The following ABCA3 variants were observed in gnomAD, a reference collection of about 807,000 sequenced individuals.
ABCA3 encodes ATP binding cassette subfamily A member 3.
A neutral mutation model predicts 172.8 loss-of-function variants in ABCA3; 88 were observed. The ratio of observed to expected loss-of-function variants is 0.51; its 90% CI spans 0.43 to 0.61. The LOEUF is 0.61. Among genes scored for constraint, ABCA3 ranks in the 20% least tolerant of loss-of-function variants. The pLI is 0.00. For synonymous variants in ABCA3, 1,066 were observed against 983.8 expected (o/e 1.08, Z -1.56); for missense variants, 2,164 against 2,301.0 (o/e 0.94, Z 1.22).
rs760856638 is a variant in ABCA3, at chr16:2,297,381, G to A, written c.2211C>T (p.Ala737=). 6.2e-7 allele frequency: 1 copy of A among 1,613,266 alleles called. No homozygotes were observed. Among genetic ancestry groups the A allele is most frequent in the Non-Finnish European group, 8.5e-7 (1 of 1,179,998 alleles). Residue 737 remains alanine (A), a synonymous_variant, in exon 17 of 33, where the codon GCC becomes GCT. Coordinates refer to ENST00000301732, the MANE Select transcript of ABCA3 (RefSeq NM_001089.3). This position sits in a 1 kb window ranked among gnomAD's most constrained non-coding sequence, Gnocchi z 5.6. ...ACCCGCAGCACTGCAGCTCCCCCTT[G>A]GCCATGATGGCGATGCGGTCTCCCA... is the stretch of plus-strand genomic sequence containing the variant. ...DLLGDRIAIM[A]KGELQCCGSS...
At position 2,332,374 on chromosome 16, in the gene ABCA3, C is replaced by A. The variant is rs537541869; in HGVS notation, c.-538-2520G>T. On this transcript the variant is annotated intron_variant, in intron 1 of 32. Coordinates refer to ENST00000301732, the MANE Select transcript of ABCA3 (RefSeq NM_001089.3). ...AGGGCTTCTAAACTTTTTGGACTCGCAGGGACGGGGATCAGCTACCAGCAG... is the reference window on the plus strand; with the variant it reads ...AGGGCTTCTAAACTTTTTGGACTCGAAGGGACGGGGATCAGCTACCAGCAG... 7.8e-6 allele frequency: 7 copies of A among 898,088 alleles called. No homozygotes were observed. The South Asian group carries it at 9.3e-5, about 12-fold the overall frequency. 55.6% of individuals were successfully genotyped at this position (898,088 alleles called of 1,614,324 possible). A position where few individuals can be genotyped will look rare whatever the true frequency, so the allele number is the denominator to read the frequency against.
At chr16:2,334,931 C>T (rs578176001) in intron 1 of ABCA3, among the ~76,000 whole-genome samples, 3 of 150,666 alleles carry the variant, frequency 2.0e-5, no homozygotes, top group African/African-American at 7.3e-5. Flanking sequence ...TGAGTTCAAG[C>T]GATTCTCCTG....
At chr16:2,309,340 A>C (rs2141720564) in intron 10 of ABCA3, among the ~76,000 whole-genome samples, 1 of 152,304 alleles carries the variant, frequency 6.6e-6, no homozygotes, top group East Asian at 1.9e-4. Context: ...CTCTGTTCTA[A>C]GCACCGGGAG....
Position 2,287,234 on chromosome 16 carries a change from C to T in ABCA3, c.3005-267G>A, listed in dbSNP as rs1399312517. Among the ~76,000 whole-genome samples, 2 of 152,098 alleles carry T rather than the reference C, an allele frequency of 1.3e-5. No individual in the cohort carries two copies. Among genetic ancestry groups the T allele is most frequent in the Admixed American group, 1.3e-4 (2 of 15,276 alleles). Reference sequence around the variant, plus strand: ...CCAGTAGGTTCCATTAACCAGAGCACGGTCCCTGTTCTGAGCCTGGGGCAG... The same window carrying T: ...CCAGTAGGTTCCATTAACCAGAGCATGGTCCCTGTTCTGAGCCTGGGGCAG... On this transcript the variant is annotated intron_variant, in intron 21 of 32. Transcript: ENST00000301732. This position sits in a 1 kb window ranked among gnomAD's most constrained non-coding sequence, Gnocchi z 4.1.
chr16:2,293,235 T>C (rs2093674817), intron 18 of ABCA3, among the ~76,000 whole-genome samples: 1 of 151,326 alleles, frequency 6.6e-6, no homozygotes. Flanking sequence ...GTATTTTTAG[T>C]AGAGATGGGG....
rs556253061 is a variant in ABCA3, at chr16:2,279,742, A to AT, written c.4360-613dup. Among the ~76,000 whole-genome samples, 2,109 of 140,112 alleles carry AT rather than the reference A, an allele frequency of 0.015. 36 individuals carry two copies. Among genetic ancestry groups the AT allele is most frequent in the African/African-American group, 0.044 (1,671 of 38,068 alleles). 91.9% of individuals were successfully genotyped at this position (140,112 alleles called of 152,430 possible). On this transcript the variant is annotated intron_variant, in intron 28 of 32. Transcript: ENST00000301732. The surrounding 1 kb of genome is among the most constrained non-coding windows in gnomAD (Gnocchi z 4.4). ...TCTTTGGGGTTCTCAAGCTTCCAGA[A>AT]TTTTTTTTTTTTTTTTTGAGACAGA...
intron 7 of ABCA3, 122 bp from the exon 8 acceptor site, chr16:2,319,962 G>T: frequency 7.4e-7 from 1 of 1,346,254 alleles, no homozygotes; most frequent in Non-Finnish European, 1.0e-6. Context: ...CTTCAGCTCA[G>T]GACCCCCGTG....
chr16:2,309,504 C>T (rs764538749), intron 10 of ABCA3, among the ~76,000 whole-genome samples: 2 of 152,066 alleles, frequency 1.3e-5, no homozygotes, highest in Admixed American at 1.3e-4. Flanking sequence ...GGGAAGGCTT[C>T]GAGGAGGTGA....
rs369742513 is a variant in ABCA3, at chr16:2,278,168, T to C, written c.4719-99A>G. Reference sequence around the variant, plus strand: ...CCGATCAGGCTGTTCCTGATACCCATGCTCAGTGTGGCTCACGGGCAGACT... The same window carrying C: ...CCGATCAGGCTGTTCCTGATACCCACGCTCAGTGTGGCTCACGGGCAGACT... On this transcript the variant is annotated intron_variant, in intron 30 of 32. Transcript: ENST00000301732. This position sits in a 1 kb window ranked among gnomAD's most constrained non-coding sequence, Gnocchi z 4.4. 9.4e-6 allele frequency: 15 copies of C among 1,596,928 alleles called. No individual in the cohort carries two copies. The African/African-American group carries it at 1.3e-4, about 14-fold the overall frequency.
At chr16:2,289,194 G>A in intron 20 of ABCA3, 1 of 579,548 alleles carries the variant, frequency 1.7e-6, no homozygotes, top group East Asian at 2.9e-5. Flanking sequence ...CACCCGACAA[G>A]CTCCTGTTGA....
chr16:2,289,405 G>GCCCC, intron 20 of ABCA3, 29 bp downstream of exon 20: 6 of 994,926 alleles, frequency 6.0e-6, no homozygotes, highest in Non-Finnish European at 8.8e-6. Context: ...CCCTTCCCCC[G>GCCCC]CCACCCGCCC....
intron 11 of ABCA3, among the ~76,000 whole-genome samples, chr16:2,307,016 C>CAAAAAAAAAAAAAAAAAAAAAA (rs201661615): frequency 3.0e-5 from 2 of 65,994 alleles, no homozygotes; most frequent in African/African-American, 7.3e-5. Flanking sequence ...GACTCCGTCT[C>CAAAAAAAAAAAAAAAAAAAAAA]AAAAAAAAAA....
chr16:2,286,531 G>A lies in ABCA3; in HGVS notation c.3278+163C>T, dbSNP rs2093663412. Among the ~76,000 whole-genome samples the A allele has an allele frequency of 6.6e-6, 1 of 152,222 alleles. No homozygotes were observed. The highest frequency in any genetic ancestry group is 6.5e-5 in the Admixed American group (1 of 15,288). On this transcript the variant is annotated intron_variant, in intron 22 of 32. Transcript: ENST00000301732. This position sits in a 1 kb window ranked among gnomAD's most constrained non-coding sequence, Gnocchi z 5.2. ...AGCTGATCTGCTGTCACAGGGAGTT[G>A]GGGCTGTGGATGGTGGAGGAGGATG...
At chr16:2,276,861 G>A (rs1035633078) in intron 32 of ABCA3, 56 bp from the exon 33 acceptor site, 30 of 1,607,612 alleles carry the variant, frequency 1.9e-5, no homozygotes, top group South Asian at 3.3e-5. Context: ...GCTCCTCTGC[G>A]GGACCTGGGA....
chr16:2,292,701 C>G (rs2093673930), intron 18 of ABCA3, among the ~76,000 whole-genome samples: 2 of 152,124 alleles, frequency 1.3e-5, no homozygotes, highest in Non-Finnish European at 1.5e-5. Context: ...GGGCGAATTG[C>G]CTGAACTCAG....
intron 12 of ABCA3, among the ~76,000 whole-genome samples, chr16:2,300,588 G>A (rs560747716): frequency 1.3e-5 from 2 of 152,276 alleles, no homozygotes; most frequent in East Asian, 3.9e-4. Context: ...AGCCGAAGGC[G>A]CCACGCCTCC....
At chr16:2,335,614 C>G (rs758955901) in intron 1 of ABCA3, among the ~76,000 whole-genome samples, 11 of 152,166 alleles carry the variant, frequency 7.2e-5, no homozygotes, top group Non-Finnish European at 1.2e-4. Flanking sequence ...GGTGTTCACG[C>G]TGGCTTGTAT....
Position 2,277,722 on chromosome 16 carries a change from G to A in ABCA3, c.4910-52C>T, listed in dbSNP as rs2093648644. 1 of 1,608,994 alleles carries A rather than the reference G, an allele frequency of 6.2e-7. No individual in the cohort carries two copies. The highest frequency in any genetic ancestry group is 8.5e-7 in the Non-Finnish European group (1 of 1,177,602). On this transcript the variant is annotated intron_variant, in intron 31 of 32. Coordinates refer to ENST00000301732, the MANE Select transcript of ABCA3 (RefSeq NM_001089.3). This position sits in a 1 kb window ranked among gnomAD's most constrained non-coding sequence, Gnocchi z 5.3. ...GTGAGCGCCGGGCTGGAGGATCGGG[G>A]AGGGTGCCTGGGTGCTCAGCACTGG...
intron 12 of ABCA3, among the ~76,000 whole-genome samples, chr16:2,303,265 T>A (rs2093692300): frequency 7.2e-6 from 1 of 138,838 alleles, no homozygotes; most frequent in Non-Finnish European, 1.6e-5. Context: ...TTTTTCTCTC[T>A]TTTTTTTTTT....
Sources: allele counts gnomAD v4.1 joint callset (sites outside exome capture counted in the v4.1 genomes callset), GRCh38; gene constraint gnomAD v4.1.1; non-coding constraint Gnocchi (gnomAD v3.1); transcripts MANE v1.5; gene names NCBI Gene and HGNC (gene_info 2026-07-23, HGNC 2026-07-21).